PARD3B: variants seen among roughly 807,000 people sequenced by gnomAD.
The protein encoded by PARD3B is partitioning defective 3 homolog B.
Under a neutral mutation model 130.2 loss-of-function variants are expected in PARD3B, and 103 were observed. That is an observed-to-expected ratio of 0.79 (90% CI 0.67 to 0.93). The LOEUF (loss-of-function observed/expected upper bound fraction) is 0.93. PARD3B is among the 40% of genes least tolerant of loss of function. The pLI, the probability that PARD3B is intolerant of heterozygous loss-of-function variation, is 0.00. For synonymous variants in PARD3B, 583 were observed against 553.2 expected, an observed-to-expected ratio of 1.05 and a Z score of -0.76; for missense variants, 1,609 against 1,499.2, an observed-to-expected ratio of 1.07 and a Z score of -1.21.
At position 204,762,278 on chromosome 2, in the gene PARD3B, T is replaced by C. The variant is rs531695286; in HGVS notation, c.222+75996T>C. On this transcript the variant is annotated intron_variant, in intron 2 of 22. Transcript: ENST00000406610. ...GTGGGAGTACAGGCACGTGCCACCA[T>C]GCCCAGCTAATTTTTTGTAGAGATG... Among the ~76,000 whole-genome samples the C allele has an allele frequency of 4.3e-4, 66 of 151,998 alleles. No homozygotes were observed. In the East Asian group the frequency reaches 8.5e-3, roughly 20 times the overall value.
rs1047944424 is a variant in PARD3B, at chr2:204,965,338, T to C, written c.394+15T>C. 1.2e-6 allele frequency: 2 copies of C among 1,610,128 alleles called. No homozygotes were observed. The highest frequency in any genetic ancestry group is 1.7e-6 in the Non-Finnish European group (2 of 1,177,864). ...TCTAAAACTAGGTATGTGTAATGTTTATGATATTCTTTTCACCTGACTGAA... is the reference window on the plus strand; with the variant it reads ...TCTAAAACTAGGTATGTGTAATGTTCATGATATTCTTTTCACCTGACTGAA... On this transcript the variant is annotated intron_variant, in intron 3 of 22. Coordinates refer to ENST00000406610, the MANE Select transcript of PARD3B (RefSeq NM_001302769.2).
At chr2:205,053,648 A>C (rs1397251513) in intron 4 of PARD3B, among the ~76,000 whole-genome samples, 5 of 152,070 alleles carry the variant, frequency 3.3e-5, no homozygotes, top group Admixed American at 1.3e-4. Context: ...TCTCAAAAAA[A>C]AAAAAAAAAT....
chr2:204,989,419 G>A (rs951545124), intron 3 of PARD3B, among the ~76,000 whole-genome samples: 3 of 152,028 alleles, frequency 2.0e-5, no homozygotes, highest in Non-Finnish European at 4.4e-5. Context: ...AGAGGCCAGC[G>A]AAAGGATTTA....
chr2:204,885,672 A>G (rs1169067878), intron 2 of PARD3B, among the ~76,000 whole-genome samples: 2 of 152,210 alleles, frequency 1.3e-5, no homozygotes, highest in Non-Finnish European at 2.9e-5. Context: ...TAAAAAGGAC[A>G]TATAGATTGG....
chr2:204,882,493 A>G lies in PARD3B; in HGVS notation c.223-82659A>G, dbSNP rs78446445. ...GCAAGTGTCTGACTGCAAAAGCTTTATTTGTATATTGCCTCTTTTATTTAC... is the reference window on the plus strand; with the variant it reads ...GCAAGTGTCTGACTGCAAAAGCTTTGTTTGTATATTGCCTCTTTTATTTAC... On this transcript the variant is annotated intron_variant, in intron 2 of 22. Coordinates refer to ENST00000406610, the MANE Select transcript of PARD3B (RefSeq NM_001302769.2). Among the ~76,000 whole-genome samples the G allele has an allele frequency of 2.4e-4, 37 of 152,228 alleles. 1 individual carries two copies. In the East Asian group the frequency reaches 6.6e-3, roughly 27 times the overall value.
chr2:205,045,467 C>T (rs1698708908), intron 3 of PARD3B, among the ~76,000 whole-genome samples: 2 of 151,850 alleles, frequency 1.3e-5, no homozygotes, highest in South Asian at 2.1e-4. Flanking sequence ...AGACTGGTCT[C>T]GAACTCCTGA....
intron 15 of PARD3B, 145 bp downstream of exon 15, chr2:205,193,465 C>A: frequency 1.6e-6 from 1 of 615,460 alleles, no homozygotes; most frequent in Non-Finnish European, 2.9e-6. Flanking sequence ...GGCCATCCCA[C>A]CTTCCTATCT....
chr2:204,593,792 C>T (rs947328216), intron 1 of PARD3B, among the ~76,000 whole-genome samples: 10 of 152,170 alleles, frequency 6.6e-5, no homozygotes, highest in African/African-American at 1.9e-4. Flanking sequence ...TATCCTGCTA[C>T]TTACACACCT....
intron 1 of PARD3B, among the ~76,000 whole-genome samples, chr2:204,622,290 T>C (rs2034332279): frequency 6.6e-6 from 1 of 152,190 alleles, no homozygotes; most frequent in East Asian, 1.9e-4. Flanking sequence ...ACTCAAGACC[T>C]GCTTCTTCCA....
chr2:205,528,793 A>T (rs1182750784), intron 21 of PARD3B, among the ~76,000 whole-genome samples: 2 of 152,138 alleles, frequency 1.3e-5, no homozygotes. Context: ...CCTGGCCAAC[A>T]CAATCTTAAA....
chr2:204,797,724 T>C, intron 2 of PARD3B, among the ~76,000 whole-genome samples: 1 of 152,230 alleles, frequency 6.6e-6, no homozygotes, highest in Non-Finnish European at 1.5e-5. Flanking sequence ...GAATTTAAAT[T>C]AAAATTTTTT....
At position 205,411,451 on chromosome 2, in the gene PARD3B, A is replaced by G. The variant is rs947110781; in HGVS notation, c.2741+10328A>G. Among the ~76,000 whole-genome samples the G allele has an allele frequency of 4.1e-4, 63 of 152,160 alleles. 1 individual carries two copies. Among genetic ancestry groups the G allele is most frequent in the African/African-American group, 1.5e-3 (61 of 41,444 alleles). On this transcript the variant is annotated intron_variant, in intron 19 of 22. Coordinates refer to ENST00000406610, the MANE Select transcript of PARD3B (RefSeq NM_001302769.2). ...GGTTAAAGATGACTCTGCATGAACA[A>G]ACTTATCTGCTTCAAGTCTCATGTG...
At position 205,085,886 on chromosome 2, in the gene PARD3B, T is replaced by G. The variant is rs914878689; in HGVS notation, c.505-18540T>G. On this transcript the variant is annotated intron_variant, in intron 4 of 22. Coordinates refer to ENST00000406610, the MANE Select transcript of PARD3B (RefSeq NM_001302769.2). ...TTTATGAATGACTGGGTTGCACTGG[T>G]GCAAATTATTATCATTCTGATACAT... Among the ~76,000 whole-genome samples the G allele has an allele frequency of 1.3e-4, 20 of 152,346 alleles. No individual in the cohort carries two copies. In the East Asian group the frequency reaches 3.5e-3, roughly 26 times the overall value.
At chr2:204,996,852 G>A (rs1190288343) in intron 3 of PARD3B, among the ~76,000 whole-genome samples, 24 of 147,358 alleles carry the variant, frequency 1.6e-4, no homozygotes, top group African/African-American at 5.5e-4. Flanking sequence ...TTCCAGGTGC[G>A]TCCGTCACCC....
chr2:205,360,831 G>A (rs2044361900), intron 18 of PARD3B, among the ~76,000 whole-genome samples: 1 of 152,198 alleles, frequency 6.6e-6, no homozygotes, highest in African/African-American at 2.4e-5. Flanking sequence ...GGAAAGCACT[G>A]TTTTTGTTAT....
At chr2:205,422,228 G>A (rs987002790) in intron 19 of PARD3B, among the ~76,000 whole-genome samples, 3 of 152,136 alleles carry the variant, frequency 2.0e-5, no homozygotes, top group African/African-American at 7.2e-5. Flanking sequence ...CAGGCCTGAG[G>A]CAAATAAAGC....
chr2:204,941,778 T>G (rs1688923729), intron 2 of PARD3B, among the ~76,000 whole-genome samples: 1 of 152,180 alleles, frequency 6.6e-6, no homozygotes, highest in African/African-American at 2.4e-5. Context: ...TTGTGTTTCC[T>G]TGAAAACTGA....
rs192342187 is a variant in PARD3B at position 205,120,084 on chromosome 2, G to A, written c.806+1038G>A. Among the ~76,000 whole-genome samples, 1,429 of 152,204 alleles carry A rather than the reference G, an allele frequency of 9.4e-3. 93 individuals carry two copies. The highest frequency in any genetic ancestry group is 0.088 in the Admixed American group (1,346 of 15,282). On this transcript the variant is annotated intron_variant, in intron 7 of 22. Coordinates refer to ENST00000406610, the MANE Select transcript of PARD3B (RefSeq NM_001302769.2). The stretch of plus-strand genomic sequence containing the variant: ...GGACAAAGATGAGTGGTTGTGGGTC[G>A]AGGAAAAGTGGGTACTGGCTGCTAA...
At chr2:205,272,680 T>C (rs2040777809) in intron 16 of PARD3B, among the ~76,000 whole-genome samples, 2 of 152,168 alleles carry the variant, frequency 1.3e-5, no homozygotes, top group African/African-American at 4.8e-5. Flanking sequence ...TCCAACCTCA[T>C]GTTTGTGGGA....
Sources: gnomAD v4.1 joint callset for allele counts (sites outside exome capture counted in the v4.1 genomes callset) on GRCh38, gnomAD v4.1.1 for gene constraint, MANE v1.5 for transcripts, NCBI Gene and HGNC (gene_info 2026-07-23, HGNC 2026-07-21) for gene names.